Variants in ELF2 observed in about 807,000 individuals in gnomAD.
ELF2 encodes E74 like ETS transcription factor 2.
ELF2 carries 11 observed loss-of-function variants against 54.8 expected under a neutral mutation model. That is an observed-to-expected ratio of 0.20 (90% CI 0.13 to 0.33). ELF2 has a LOEUF of 0.33. Among genes scored for constraint, ELF2 ranks in the 10% least tolerant of loss-of-function variants. The probability of loss-of-function intolerance (pLI) is 1.00; values close to 1 mark genes in which losing one functional copy is unlikely to be tolerated. For missense variants in ELF2, 513 were observed against 703.0 expected (o/e 0.73, Z 3.06); for synonymous variants, 203 against 245.1 (o/e 0.83, Z 1.61).
intron 4 of ELF2, chr4:139,115,012 T>C (rs1207421446): frequency 6.2e-7 from 1 of 1,613,836 alleles, no homozygotes; most frequent in South Asian, 1.1e-5. Context: ...TGTGGGTTTG[T>C]AACAGTCAAC....
chr4:139,077,131 T>C (rs775016633), intron 4 of ELF2, among the ~76,000 whole-genome samples: 1 of 152,126 alleles, frequency 6.6e-6, no homozygotes, highest in Non-Finnish European at 1.5e-5. Flanking sequence ...TATACTACTA[T>C]AGGTTGGGCA....
At chr4:139,161,250 T>C (rs1741111172) in intron 1 of ELF2, among the ~76,000 whole-genome samples, 1 of 152,174 alleles carries the variant, frequency 6.6e-6, no homozygotes, top group Admixed American at 6.5e-5. Context: ...CTTTGATAAA[T>C]AAGCTGGTTT....
intron 3 of ELF2, among the ~76,000 whole-genome samples, chr4:139,133,234 G>A (rs1737734704): frequency 6.6e-6 from 1 of 152,128 alleles, no homozygotes; most frequent in Admixed American, 6.5e-5. Flanking sequence ...ATTCTTATAA[G>A]CAATAAGGAT....
chr4:139,059,374 G>C lies in ELF2; in HGVS notation c.1391C>G (p.Ala464Gly), dbSNP rs554856153. The change falls in exon 10 of 10, where the codon GCT (alanine) becomes GGT (glycine). Residue 464 changes from alanine to glycine, a missense_variant. Ala to Gly is a moderately conservative substitution (Grantham distance 60, BLOSUM62 0). Around this residue, in one of 3 missense-constraint regions of ELF2, gnomAD observed 291 missense variants for 366.1 expected, o/e 0.79. Coordinates refer to ENST00000686138, the MANE Select transcript of ELF2 (RefSeq NM_001331036.3). ...MQPAKIITIP[A>G]TQLAQCQLQT... ...CAGTTGACACTGTGCAAGCTGTGTA[G>C]CTGGGATGGTAATAATTTTGGCAGG... is the stretch of plus-strand genomic sequence containing the variant. The C allele has an allele frequency of 1.2e-6, 2 of 1,613,964 alleles. No individual in the cohort carries two copies. Among genetic ancestry groups the C allele is most frequent in the Non-Finnish European group, 1.7e-6 (2 of 1,179,862 alleles).
Position 139,137,886 on chromosome 4 carries a change from T to A in ELF2, c.-166-19A>T, listed in dbSNP as rs529385346. The A allele has an allele frequency of 1.5e-6, 2 of 1,294,362 alleles. No homozygotes were observed. The highest frequency in any genetic ancestry group is 2.0e-6 in the Non-Finnish European group (2 of 1,019,012). The allele number at this position is 1,294,362 out of a possible 1,614,324, so 80.2% of individuals were successfully genotyped here. On this transcript the variant is annotated intron_variant, in intron 2 of 9. Coordinates refer to ENST00000686138, the MANE Select transcript of ELF2 (RefSeq NM_001331036.3). ...AGAAAGCCTAAAAAGAGGAAGAATT[T>A]GAAAAGTTATTTTAAAAATTACAGG... is the stretch of plus-strand genomic sequence containing the variant.
At position 139,089,558 on chromosome 4, in the gene ELF2, G is replaced by A. The variant is rs548967459; in HGVS notation, c.239-15991C>T. Among the ~76,000 whole-genome samples, 426 of 152,222 alleles carry A rather than the reference G, an allele frequency of 2.8e-3. 2 individuals are homozygous for A. The highest frequency in any genetic ancestry group is 0.02 in the South Asian group (95 of 4,818). On this transcript the variant is annotated intron_variant, in intron 4 of 9. Transcript: ENST00000686138. ...TTTACATACGTATGTGTTTGTGTAT[G>A]TATCCCTGAATGACATACAGTATTA...
intron 1 of ELF2, among the ~76,000 whole-genome samples, chr4:139,164,142 A>G (rs1416595615): frequency 7.3e-6 from 1 of 136,210 alleles, no homozygotes; most frequent in East Asian, 2.0e-4. Context: ...GAGAAAGAAG[A>G]GAGAGAAAGA....
At chr4:139,079,256 A>G (rs1449584534) in intron 4 of ELF2, among the ~76,000 whole-genome samples, 2 of 152,182 alleles carry the variant, frequency 1.3e-5, no homozygotes, top group Admixed American at 1.3e-4. Context: ...AAAAAACAAA[A>G]AGTAAGTAGC....
chr4:139,086,695 C>G (rs563653753), intron 4 of ELF2, among the ~76,000 whole-genome samples: 78 of 152,230 alleles, frequency 5.1e-4, no homozygotes, highest in South Asian at 1.7e-3. Flanking sequence ...CTTCTCAATT[C>G]ATATAGAACT....
chr4:139,074,942 GGGACAACT>G (rs1347607793), intron 4 of ELF2, among the ~76,000 whole-genome samples: 1 of 152,144 alleles, frequency 6.6e-6, no homozygotes, highest in Non-Finnish European at 1.5e-5. Context: ...GGTATACTGA[GGGACAACT>G]GTACTCTCCA....
chr4:139,080,943 G>GAA (rs374005271), intron 4 of ELF2, among the ~76,000 whole-genome samples: 2,026 of 106,882 alleles, frequency 0.019, 42 homozygotes, highest in African/African-American at 0.062. Context: ...TGTAATATTA[G>GAA]AAAAAAAAAA....
chr4:139,084,441 C>CGGCAGGGGCAGG (rs1008385638), intron 4 of ELF2: 43 of 1,062,456 alleles, frequency 4.0e-5, no homozygotes, highest in Non-Finnish European at 4.7e-5. Context: ...GGGGCAGGGG[C>CGGCAGGGGCAGG]GGCGGCGGCG....
intron 6 of ELF2, among the ~76,000 whole-genome samples, chr4:139,069,892 G>A (rs1008357678): frequency 2.0e-5 from 3 of 151,960 alleles, no homozygotes; most frequent in African/African-American, 7.3e-5. Context: ...TGTCGCCCAG[G>A]CTGGAATGCA....
At chr4:139,150,825 A>T (rs1466143564) in intron 1 of ELF2, among the ~76,000 whole-genome samples, 1 of 151,982 alleles carries the variant, frequency 6.6e-6, no homozygotes, top group African/African-American at 2.4e-5. Context: ...GATTGAGACC[A>T]TCCTCGCTAA....
intron 7 of ELF2, among the ~76,000 whole-genome samples, chr4:139,065,305 C>T (rs1728527179): frequency 6.6e-6 from 1 of 151,924 alleles, no homozygotes; most frequent in African/African-American, 2.4e-5. Flanking sequence ...TAGGGGGACC[C>T]GTCTCTACAA....
chr4:139,060,238 A>G, intron 9 of ELF2, 86 bp downstream of exon 9: 1 of 1,229,346 alleles, frequency 8.1e-7, no homozygotes, highest in Non-Finnish European at 1.1e-6. Flanking sequence ...TAGAACACTA[A>G]TATTAAGCAA....
At chr4:139,143,899 C>G (rs1393584190) in intron 1 of ELF2, among the ~76,000 whole-genome samples, 1 of 152,062 alleles carries the variant, frequency 6.6e-6, no homozygotes, top group East Asian at 1.9e-4. Context: ...CTTAAATACA[C>G]CTTAGCCTGA....
intron 3 of ELF2, among the ~76,000 whole-genome samples, chr4:139,127,811 G>T (rs930654688): frequency 6.6e-6 from 1 of 151,678 alleles, no homozygotes; most frequent in African/African-American, 2.4e-5. Flanking sequence ...CTAAAAATAC[G>T]AAAATTAGCC....
chr4:139,136,662 CTCTT>C (rs1377845417), intron 3 of ELF2: 1 of 142,706 alleles, frequency 7.0e-6, no homozygotes, highest in African/African-American at 2.5e-5. Flanking sequence ...CCAATATTCA[CTCTT>C]TTTTTTTTTT....
Sources: gnomAD v4.1 joint callset for allele counts (sites outside exome capture counted in the v4.1 genomes callset) on GRCh38, gnomAD v4.1.1 for gene constraint, gnomAD v4.1.1 regional missense constraint, MANE v1.5 for transcripts, NCBI Gene and HGNC (gene_info 2026-07-23, HGNC 2026-07-21) for gene names.